The following MAP4K1 variants were observed in gnomAD, a reference collection of about 807,000 sequenced individuals.
The protein encoded by MAP4K1 is MAPK/ERK kinase kinase kinase 1.
A neutral mutation model predicts 122.8 loss-of-function variants in MAP4K1; 35 were observed. The observed-to-expected ratio is 0.29, with a 90% CI of 0.22 to 0.38. The LOEUF is 0.38. Among genes scored for constraint, MAP4K1 ranks in the 10% least tolerant of loss-of-function variants. The pLI is 1.00. For synonymous variants in MAP4K1, 412 were observed against 421.3 expected, an observed-to-expected ratio of 0.98 and a Z score of 0.27; for missense variants, 791 against 1,072.6, an observed-to-expected ratio of 0.74 and a Z score of 3.67.
At chr19:38,606,774 C>A (rs1975341378) in intron 16 of MAP4K1, among the ~76,000 whole-genome samples, 1 of 152,148 alleles carries the variant, frequency 6.6e-6, no homozygotes, top group South Asian at 2.1e-4. Context: ...GACAGTGCAC[C>A]ACGGCTTTGC....
In MAP4K1 at chr19:38,612,757, G is replaced by A. The variant is rs779113085; in HGVS notation, c.534-15C>T. On this transcript the variant is annotated splice_polypyrimidine_tract_variant and intron_variant, in intron 8 of 30. Transcript: ENST00000396857. ...CCGGAGCCATCCTGGGGGCAGACACGCTCAGAGAGCCAGAGGTGGCATGGG... is the reference window on the plus strand; with the variant it reads ...CCGGAGCCATCCTGGGGGCAGACACACTCAGAGAGCCAGAGGTGGCATGGG... 3.7e-6 allele frequency: 6 copies of A among 1,611,610 alleles called. No homozygotes were observed. The highest frequency in any genetic ancestry group is 1.1e-5 in the South Asian group (1 of 90,906).
chr19:38,601,471 T>G lies in MAP4K1; in HGVS notation c.1501A>C (p.Thr501Pro). The change falls in exon 20 of 31, where the codon ACG becomes CCG. Residue 501 changes from threonine to proline, a missense_variant. Physicochemically the swap from Thr to Pro is conservative, Grantham distance 38 (BLOSUM62 -1). Transcript: ENST00000396857. ...FNGCPLRIHS[T>P]AAWTHPSTKD... Reference sequence around the variant, plus strand: ...GTGGAGGGATGTGTCCAGGCGGCCGTGCTGTGGATCCGGAGGGGGCAGCCA... The same window carrying G: ...GTGGAGGGATGTGTCCAGGCGGCCGGGCTGTGGATCCGGAGGGGGCAGCCA... 1 of 1,610,594 alleles carries G rather than the reference T, an allele frequency of 6.2e-7. No individual in the cohort carries two copies. Among genetic ancestry groups the G allele is most frequent in the Non-Finnish European group, 8.5e-7 (1 of 1,178,658 alleles).
chr19:38,602,910 A>G (rs976882517), intron 19 of MAP4K1, among the ~76,000 whole-genome samples: 1 of 146,766 alleles, frequency 6.8e-6, no homozygotes, highest in African/African-American at 2.6e-5. Context: ...ATATACACAC[A>G]TGTACACATA....
chr19:38,603,161 T>G (rs1025716659), intron 19 of MAP4K1, among the ~76,000 whole-genome samples: 1 of 149,452 alleles, frequency 6.7e-6, no homozygotes, highest in African/African-American at 2.5e-5. Flanking sequence ...TATACATGTA[T>G]ACATATATAC....
chr19:38,594,325 CAA>C (rs1974806492), intron 29 of MAP4K1, among the ~76,000 whole-genome samples: 1 of 151,972 alleles, frequency 6.6e-6, no homozygotes. Context: ...TCAGCCTGGA[CAA>C]GAGAGAGAGA....
chr19:38,605,345 C>T, intron 19 of MAP4K1, 64 bp downstream of exon 19: 1 of 1,215,594 alleles, frequency 8.2e-7, no homozygotes, highest in Non-Finnish European at 1.2e-6. Context: ...CACCCCCTCC[C>T]CACCCCACCA....
At chr19:38,603,281 C>T (rs1243678454) in intron 19 of MAP4K1, among the ~76,000 whole-genome samples, 1 of 144,694 alleles carries the variant, frequency 6.9e-6, no homozygotes, top group Admixed American at 6.8e-5. Flanking sequence ...TATACACATA[C>T]ATATACACAC....
intron 3 of MAP4K1, among the ~76,000 whole-genome samples, chr19:38,616,946 G>T (rs1975663559): frequency 6.6e-6 from 1 of 152,040 alleles, no homozygotes; most frequent in South Asian, 2.1e-4. Context: ...GAAGTTCAAG[G>T]TTAGAACTGA....
chr19:38,609,694 C>A lies in MAP4K1; in HGVS notation c.928-20G>T, dbSNP rs767798721. 6.2e-7 allele frequency: 1 copy of A among 1,601,482 alleles called. No homozygotes were observed. Among genetic ancestry groups the A allele is most frequent in the African/African-American group, 1.3e-5 (1 of 74,906 alleles). On this transcript the variant is annotated intron_variant, in intron 12 of 30. Coordinates refer to ENST00000396857, the MANE Select transcript of MAP4K1 (RefSeq NM_001042600.3). ...GGGTAGCTGGGCAGAGGGGCAGCCA[C>A]GTCAGGGCTCAAGACCCCCAAGCAG...
rs113746252 is a variant in MAP4K1, at chr19:38,603,844, C to T, written c.1446+1565G>A. ...ACTAAAAATACAAAAATTAGCTGGG[C>T]GTGGTGGTGGGCGCCTGTAGTCATG... On this transcript the variant is annotated intron_variant, in intron 19 of 30. Transcript: ENST00000396857. Among the ~76,000 whole-genome samples the T allele has an allele frequency of 3.3e-5, 5 of 151,916 alleles. 1 individual carries two copies. The highest frequency in any genetic ancestry group is 1.2e-4 in the African/African-American group (5 of 41,430).
chr19:38,599,990 A>T lies in MAP4K1; in HGVS notation c.1609-5T>A. On this transcript the variant is annotated splice_polypyrimidine_tract_variant and splice_region_variant and intron_variant, in intron 21 of 30. Coordinates refer to ENST00000396857, the MANE Select transcript of MAP4K1 (RefSeq NM_001042600.3). ...CGTAGTCCGGCTAGGAAAGAGCTGCAGGGAATGGGAGAGATGGCTCTGGTG... is the reference window on the plus strand; with the variant it reads ...CGTAGTCCGGCTAGGAAAGAGCTGCTGGGAATGGGAGAGATGGCTCTGGTG... 3 of 1,614,214 alleles carry T rather than the reference A, an allele frequency of 1.9e-6. No individual in the cohort carries two copies. Among genetic ancestry groups the T allele is most frequent in the Non-Finnish European group, 8.5e-7 (1 of 1,180,030 alleles).
intron 30 of MAP4K1, 128 bp from the exon 31 acceptor site, chr19:38,587,945 G>A (rs1599680958): frequency 5.6e-6 from 4 of 719,336 alleles, no homozygotes; most frequent in African/African-American, 1.7e-5. Context: ...GGGCAGACAC[G>A]GTCCCTGCCC....
intron 16 of MAP4K1, 146 bp downstream of exon 16, chr19:38,607,718 G>A: frequency 1.2e-6 from 1 of 833,670 alleles, no homozygotes. Flanking sequence ...GCTGCATTGA[G>A]GGTCTAATCA....
rs781278814 is a variant in MAP4K1, at chr19:38,597,172, C to T, written c.1838-35G>A. On this transcript the variant is annotated intron_variant, in intron 24 of 30. Coordinates refer to ENST00000396857, the MANE Select transcript of MAP4K1 (RefSeq NM_001042600.3). The surrounding 1 kb of genome is among the most constrained non-coding windows in gnomAD (Gnocchi z 4.6). ...GGGCAAGGATGAGTCAAGATCAATG[C>T]CCTCTATCCTCCTCGCCACCCACAC... is the stretch of plus-strand genomic sequence containing the variant. 1.9e-6 allele frequency: 3 copies of T among 1,607,552 alleles called. No homozygotes were observed. The highest frequency in any genetic ancestry group is 1.7e-5 in the Admixed American group (1 of 59,974).
At chr19:38,596,632 G>A (rs1407828148) in intron 25 of MAP4K1, 146 bp from the exon 26 acceptor site, 2 of 730,430 alleles carry the variant, frequency 2.7e-6, no homozygotes, top group Non-Finnish European at 4.3e-6. Context: ...ATAAGGCCTG[G>A]TGCCTCCGCG....
rs1239195473 is a variant in MAP4K1 at position 38,595,748 on chromosome 19, T to C, written c.2180-19A>G. On this transcript the variant is annotated intron_variant, in intron 27 of 30. Coordinates refer to ENST00000396857, the MANE Select transcript of MAP4K1 (RefSeq NM_001042600.3). ...ACAGAGCCTGGAAGGAGATAGACGG[T>C]TTTAAGAACTGTGAGCAAGGCTTAG... 1 of 1,575,032 alleles carries C rather than the reference T, an allele frequency of 6.3e-7. No homozygotes were observed. Among genetic ancestry groups the C allele is most frequent in the African/African-American group, 1.4e-5 (1 of 73,424 alleles).
Position 38,593,484 on chromosome 19 carries a change from C to A in MAP4K1, c.2341-147G>T. Reference sequence around the variant, plus strand: ...TTGGGAGGCCGAAGTGGGTGGATCACCTGAGGTCAGGAGTTCGAGACCAGC... The same window carrying A: ...TTGGGAGGCCGAAGTGGGTGGATCAACTGAGGTCAGGAGTTCGAGACCAGC... On this transcript the variant is annotated intron_variant, in intron 29 of 30. Coordinates refer to ENST00000396857, the MANE Select transcript of MAP4K1 (RefSeq NM_001042600.3). 7.2e-6 allele frequency: 4 copies of A among 557,448 alleles called. No individual in the cohort carries two copies. The South Asian group carries it at 8.3e-5, about 12-fold the overall frequency. The allele number at this position is 557,448 out of a possible 1,614,324, so 34.5% of individuals were successfully genotyped here. A position where few individuals can be genotyped will look rare whatever the true frequency, so the allele number is the denominator to read the frequency against.
intron 11 of MAP4K1, among the ~76,000 whole-genome samples, chr19:38,610,532 T>A (rs1975467620): frequency 6.6e-6 from 1 of 151,838 alleles, no homozygotes; most frequent in African/African-American, 2.4e-5. Context: ...ATTACAGGCG[T>A]GCGCCACTAT....
chr19:38,615,476 G>A (rs998183476), intron 4 of MAP4K1, among the ~76,000 whole-genome samples: 1 of 151,978 alleles, frequency 6.6e-6, no homozygotes, highest in Non-Finnish European at 1.5e-5. Context: ...TGAGACAGAA[G>A]ACAAAGACAG....
Sources: allele counts gnomAD v4.1 joint callset (sites outside exome capture counted in the v4.1 genomes callset), GRCh38; gene constraint gnomAD v4.1.1; non-coding constraint Gnocchi (gnomAD v3.1); transcripts MANE v1.5; gene names NCBI Gene and HGNC (gene_info 2026-07-23, HGNC 2026-07-21).